The following PAPSS2 variants were observed in gnomAD, a reference collection of about 807,000 sequenced individuals.
PAPSS2 encodes the protein bifunctional 3'-phosphoadenosine 5'-phosphosulfate synthase 2.
Under a neutral mutation model 66.5 loss-of-function variants are expected in PAPSS2, and 61 were observed. The observed-to-expected ratio is 0.92, with a 90% CI of 0.75 to 1.14. PAPSS2 has a LOEUF of 1.14. Among genes scored for constraint, PAPSS2 ranks in the 50% most tolerant of loss-of-function variants. The pLI is 0.00. For synonymous variants in PAPSS2, 289 were observed against 287.5 expected (o/e 1.01, Z -0.05); for missense variants, 708 against 789.6 (o/e 0.90, Z 1.24).
At chr10:87,673,689 C>CTTT (rs34935261) in intron 1 of PAPSS2, among the ~76,000 whole-genome samples, 121 of 67,388 alleles carry the variant, frequency 1.8e-3, no homozygotes, top group African/African-American at 3.8e-3. Flanking sequence ...TTTTGGCTTA[C>CTTT]TTTTTTTTTT....
chr10:87,685,938 C>T (rs1175596302), intron 1 of PAPSS2, among the ~76,000 whole-genome samples: 2 of 152,058 alleles, frequency 1.3e-5, no homozygotes, highest in East Asian at 3.9e-4. Context: ...TCTCCTGGAC[C>T]ATCTTAGAGC....
chr10:87,700,292 A>G (rs1046590261), intron 1 of PAPSS2, among the ~76,000 whole-genome samples: 6 of 152,240 alleles, frequency 3.9e-5, no homozygotes, highest in Admixed American at 1.3e-4. Flanking sequence ...TATGTTCGCA[A>G]CAAAACTTGC....
At chr10:87,691,235 TAACA>T (rs1300274341) in intron 1 of PAPSS2, among the ~76,000 whole-genome samples, 1 of 152,150 alleles carries the variant, frequency 6.6e-6, no homozygotes, top group Non-Finnish European at 1.5e-5. Context: ...AACATTTGAA[TAACA>T]AACCAAGTTT....
chr10:87,727,692 C>G (rs1434906168), intron 9 of PAPSS2, among the ~76,000 whole-genome samples: 1 of 152,146 alleles, frequency 6.6e-6, no homozygotes, highest in Non-Finnish European at 1.5e-5. Context: ...GAGGTCTGGT[C>G]TCAATGATCT....
At chr10:87,664,385 G>T (rs947271176) in intron 1 of PAPSS2, among the ~76,000 whole-genome samples, 3 of 152,186 alleles carry the variant, frequency 2.0e-5, no homozygotes, top group Non-Finnish European at 4.4e-5. Flanking sequence ...GATAATCCAT[G>T]CATAGAGTAA....
intron 1 of PAPSS2, 120 bp downstream of exon 1, chr10:87,660,128 T>A: frequency 1.0e-6 from 1 of 998,902 alleles, no homozygotes; most frequent in Non-Finnish European, 1.5e-6. Context: ...GGAGGAGGAG[T>A]AAGAGTGGGG....
At chr10:87,733,948 C>G (rs1317816892) in intron 9 of PAPSS2, among the ~76,000 whole-genome samples, 1 of 152,044 alleles carries the variant, frequency 6.6e-6, no homozygotes, top group Admixed American at 6.6e-5. Flanking sequence ...CTCCCCTTGT[C>G]CATTCAGTCA....
At chr10:87,692,547 T>C (rs539287690) in intron 1 of PAPSS2, among the ~76,000 whole-genome samples, 1 of 151,982 alleles carries the variant, frequency 6.6e-6, no homozygotes, top group African/African-American at 2.4e-5. Flanking sequence ...AAGAGAGAGT[T>C]TTCCAGAAAA....
At chr10:87,706,484 T>C (rs1387712988) in intron 1 of PAPSS2, among the ~76,000 whole-genome samples, 1 of 150,680 alleles carries the variant, frequency 6.6e-6, no homozygotes, top group Non-Finnish European at 1.5e-5. Context: ...GGACTGGACA[T>C]GGTGGCTTCT....
rs545409279 is a variant in PAPSS2 at position 87,713,215 on chromosome 10, A to T, written c.286A>T (p.Arg96Ter). ...AAATCTCGGATTCTCTCCTGGGGAC[A>T]GAGAGGAAAATATCCGCCGGATTGC... ...NRNLGFSPGD[R>*]EENIRRIAEV... The change falls in exon 3 of 13, where the codon AGA (arginine) becomes TGA (stop). Residue 96 changes from arginine to a stop codon, truncating the protein, a stop_gained. Coordinates refer to ENST00000456849, the MANE Select transcript of PAPSS2 (RefSeq NM_001015880.2). LOFTEE classifies it high-confidence loss of function. The T allele has an allele frequency of 6.2e-7, 1 of 1,610,540 alleles. No individual in the cohort carries two copies. Among genetic ancestry groups the T allele is most frequent in the African/African-American group, 1.3e-5 (1 of 74,356 alleles).
chr10:87,712,111 A>T (rs1277864354), intron 2 of PAPSS2, among the ~76,000 whole-genome samples: 2 of 152,224 alleles, frequency 1.3e-5, no homozygotes, highest in African/African-American at 4.8e-5. Flanking sequence ...GGTGGAAGCC[A>T]CATGGTAACT....
At chr10:87,696,444 G>A (rs1853235664) in intron 1 of PAPSS2, among the ~76,000 whole-genome samples, 1 of 152,182 alleles carries the variant, frequency 6.6e-6, no homozygotes, top group Non-Finnish European at 1.5e-5. Context: ...AGACAAAAGG[G>A]ACTCAGAAGA....
At chr10:87,701,206 A>G (rs1341885836) in intron 1 of PAPSS2, among the ~76,000 whole-genome samples, 1 of 150,836 alleles carries the variant, frequency 6.6e-6, no homozygotes, top group Non-Finnish European at 1.5e-5. Flanking sequence ...AAGCACCAAA[A>G]TATGTTTTTA....
intron 3 of PAPSS2, 68 bp from the exon 4 acceptor site, chr10:87,713,976 C>T (rs569866691): frequency 1.3e-6 from 2 of 1,548,718 alleles, no homozygotes; most frequent in Non-Finnish European, 1.8e-6. Flanking sequence ...CCAAAGTACA[C>T]AGTGTTTTGT....
chr10:87,683,873 T>A (rs1853056146), intron 1 of PAPSS2, among the ~76,000 whole-genome samples: 1 of 152,028 alleles, frequency 6.6e-6, no homozygotes, highest in South Asian at 2.1e-4. Context: ...TTTAAAATTT[T>A]TGTGGAGATG....
chr10:87,666,654 G>C (rs533178376), intron 1 of PAPSS2, among the ~76,000 whole-genome samples: 2 of 152,012 alleles, frequency 1.3e-5, no homozygotes, highest in Admixed American at 6.5e-5. Flanking sequence ...TGTCTGAAAG[G>C]CCCCTTCAAT....
intron 9 of PAPSS2, among the ~76,000 whole-genome samples, chr10:87,735,133 C>T (rs531287513): frequency 3.9e-5 from 6 of 152,220 alleles, no homozygotes; most frequent in African/African-American, 1.4e-4. Flanking sequence ...TAGCTGTGGC[C>T]CCCCTGCTGT....
chr10:87,675,187 C>T (rs1172655472), intron 1 of PAPSS2, among the ~76,000 whole-genome samples: 5 of 152,224 alleles, frequency 3.3e-5, no homozygotes, highest in African/African-American at 1.2e-4. Context: ...AGCATTAGCA[C>T]TGGCTGTTAT....
Position 87,727,374 on chromosome 10 carries a change from C to A in PAPSS2, c.971C>A (p.Ala324Glu). 1 of 1,614,034 alleles carries A rather than the reference C, an allele frequency of 6.2e-7. No homozygotes were observed. The highest frequency in any genetic ancestry group is 8.5e-7 in the Non-Finnish European group (1 of 1,179,964). Residue 324 changes from alanine (A) to glutamate (E), a missense_variant, in exon 9 of 13, where the codon GCA becomes GAA. By Grantham distance (107) the Ala-to-Glu change is moderately radical. Coordinates refer to ENST00000456849, the MANE Select transcript of PAPSS2 (RefSeq NM_001015880.2). ...GAAGGGTGCAGCAAGTTTGTCCTGGCACATGGTGGACGGAGGGTAGCTATC... is the reference window on the plus strand; with the variant it reads ...GAAGGGTGCAGCAAGTTTGTCCTGGAACATGGTGGACGGAGGGTAGCTATC... ...RLEGCSKFVL[A>E]HGGRRVAILR...
Sources: allele counts gnomAD v4.1 joint callset (sites outside exome capture counted in the v4.1 genomes callset), GRCh38; gene constraint gnomAD v4.1.1; transcripts MANE v1.5; gene names NCBI Gene and HGNC (gene_info 2026-07-23, HGNC 2026-07-21).